The following DGKG variants were observed in gnomAD, a reference collection of about 807,000 sequenced individuals.
DGKG encodes DAG kinase gamma.
A neutral mutation model predicts 105.3 loss-of-function variants in DGKG; 78 were observed. That is an observed-to-expected ratio of 0.74 (90% CI 0.62 to 0.89). DGKG has a LOEUF of 0.89. Among genes scored for constraint, DGKG ranks in the 40% least tolerant of loss-of-function variants. The pLI is 0.00. For synonymous variants in DGKG, 346 were observed against 367.1 expected (o/e 0.94, Z 0.66); for missense variants, 958 against 1,020.1 (o/e 0.94, Z 0.83).
intron 20 of DGKG, among the ~76,000 whole-genome samples, chr3:186,218,118 G>A (rs758149687): frequency 2.6e-4 from 40 of 152,242 alleles, no homozygotes; most frequent in Non-Finnish European, 5.0e-4. Context: ...AGCGGGCAGA[G>A]CTGCCTCCCA....
intron 20 of DGKG, among the ~76,000 whole-genome samples, chr3:186,238,999 C>T (rs1477107192): frequency 6.6e-6 from 1 of 152,168 alleles, no homozygotes; most frequent in Non-Finnish European, 1.5e-5. Context: ...CTTTAAGAAT[C>T]TTCTGATAGT....
At chr3:186,198,927 C>T (rs891497722) in intron 21 of DGKG, among the ~76,000 whole-genome samples, 7 of 151,918 alleles carry the variant, frequency 4.6e-5, no homozygotes, top group African/African-American at 1.5e-4. Context: ...TGAGTGGCGA[C>T]AACATTATTG....
In DGKG at chr3:186,273,652, G is replaced by A. The variant is rs1420474563; in HGVS notation, c.911-1309C>T. 2.0e-5 allele frequency among the ~76,000 whole-genome samples: 3 copies of A among 152,058 alleles called. No homozygotes were observed. In the South Asian group the frequency reaches 6.2e-4, roughly 32 times the overall value. The stretch of plus-strand genomic sequence containing the variant: ...CCTCCCAAAGTGCTGGGATTACGGC[G>A]TGAATCACCGCGCCAGGCCTGGCGG... On this transcript the variant is annotated intron_variant, in intron 10 of 24. Coordinates refer to ENST00000265022, the MANE Select transcript of DGKG (RefSeq NM_001346.3).
intron 21 of DGKG, among the ~76,000 whole-genome samples, chr3:186,209,585 G>C (rs567900134): frequency 6.6e-6 from 1 of 152,218 alleles, no homozygotes; most frequent in South Asian, 2.1e-4. Flanking sequence ...GCCTGGGGCT[G>C]GTGGGTCGTG....
chr3:186,282,759 G>A (rs1330882696), intron 7 of DGKG, among the ~76,000 whole-genome samples: 5 of 151,940 alleles, frequency 3.3e-5, no homozygotes, highest in African/African-American at 7.3e-5. Context: ...CTGGTGATCC[G>A]CCCACCTCAG....
chr3:186,202,659 G>A (rs1384422447), intron 21 of DGKG, among the ~76,000 whole-genome samples: 1 of 152,188 alleles, frequency 6.6e-6, no homozygotes, highest in Non-Finnish European at 1.5e-5. Context: ...AGGGACCTTG[G>A]TGGTAGAAGA....
At chr3:186,209,245 C>T (rs1440349584) in intron 21 of DGKG, among the ~76,000 whole-genome samples, 6 of 151,894 alleles carry the variant, frequency 4.0e-5, no homozygotes, top group South Asian at 2.1e-4. Context: ...GGACTACAGG[C>T]GCCCACCACC....
intron 24 of DGKG, 40 bp from the exon 25 acceptor site, chr3:186,150,228 A>G (rs1337183016): frequency 1.1e-5 from 18 of 1,585,562 alleles, no homozygotes; most frequent in Non-Finnish European, 1.5e-5. Flanking sequence ...TGGCATGCAA[A>G]TCTCAGTAGC....
chr3:186,189,365 G>A (rs187860930), intron 21 of DGKG, among the ~76,000 whole-genome samples: 6 of 152,150 alleles, frequency 3.9e-5, no homozygotes, highest in Non-Finnish European at 5.9e-5. Context: ...CTTTGGCATC[G>A]TGCTTACCAA....
At chr3:186,329,931 G>A (rs539016569) in intron 1 of DGKG, among the ~76,000 whole-genome samples, 2 of 152,222 alleles carry the variant, frequency 1.3e-5, no homozygotes, top group Non-Finnish European at 2.9e-5. Flanking sequence ...GGCAGAAAGA[G>A]TGTCCTGTCT....
intron 6 of DGKG, among the ~76,000 whole-genome samples, chr3:186,286,739 A>G (rs1391277222): frequency 6.6e-6 from 1 of 152,158 alleles, no homozygotes; most frequent in Admixed American, 6.5e-5. Context: ...AGTTTCTGTA[A>G]CAAAAAATTG....
chr3:186,218,569 C>T (rs961249525), intron 20 of DGKG, among the ~76,000 whole-genome samples: 1 of 150,976 alleles, frequency 6.6e-6, no homozygotes, highest in African/African-American at 2.4e-5. Context: ...TCTCCAAGCT[C>T]CCCAGACAAC....
Position 186,320,552 on chromosome 3 carries a change from G to A in DGKG, c.-93C>T. ...CCAGCCCAGGGCCTGGCTCATTGCA[G>A]GTTTGCGATGTAAGCCTTTCAGGAG... On this transcript the variant is annotated 5_prime_UTR_variant, in exon 2 of 25. Coordinates refer to ENST00000265022, the MANE Select transcript of DGKG (RefSeq NM_001346.3). The A allele has an allele frequency of 1.2e-6, 2 of 1,601,662 alleles. No individual in the cohort carries two copies. The highest frequency in any genetic ancestry group is 1.7e-6 in the Non-Finnish European group (2 of 1,173,084).
At position 186,205,236 on chromosome 3, in the gene DGKG, G is replaced by A. The variant is rs144686745; in HGVS notation, c.1917+6559C>T. On this transcript the variant is annotated intron_variant, in intron 21 of 24. Coordinates refer to ENST00000265022, the MANE Select transcript of DGKG (RefSeq NM_001346.3). The stretch of plus-strand genomic sequence containing the variant: ...TGTGCCATTGCACTCCAGCCTGGGC[G>A]ACAAGAGCAAAACTCCTTCTCAAAA... 9.4e-3 allele frequency among the ~76,000 whole-genome samples: 1,196 copies of A among 127,404 alleles called. 16 individuals are homozygous for A. The highest frequency in any genetic ancestry group is 0.034 in the African/African-American group (1,124 of 33,008). 83.6% of individuals were successfully genotyped at this position (127,404 alleles called of 152,430 possible).
At chr3:186,351,423 G>A (rs1237945900) in intron 1 of DGKG, among the ~76,000 whole-genome samples, 1 of 152,096 alleles carries the variant, frequency 6.6e-6, no homozygotes, top group Non-Finnish European at 1.5e-5. Flanking sequence ...ATACTGGTTC[G>A]AGGCCCCCTT....
intron 10 of DGKG, among the ~76,000 whole-genome samples, chr3:186,272,603 G>A (rs1468945): frequency 0.82 from 124,564 of 152,264 alleles, 51,191 homozygotes; most frequent in African/African-American, 0.9. Flanking sequence ...CACAGCAGGA[G>A]CACATCCCCA....
At chr3:186,243,956 G>A (rs545518461) in intron 19 of DGKG, among the ~76,000 whole-genome samples, 2 of 137,012 alleles carry the variant, frequency 1.5e-5, no homozygotes, top group East Asian at 4.6e-4. Flanking sequence ...GAGTGCAGTG[G>A]CATGATCTCG....
intron 2 of DGKG, among the ~76,000 whole-genome samples, chr3:186,309,058 A>G (rs1383710827): frequency 1.3e-5 from 2 of 152,206 alleles, no homozygotes; most frequent in African/African-American, 4.8e-5. Flanking sequence ...ATAGCTTCCT[A>G]AACATTTGTT....
At chr3:186,259,635 G>T (rs1721656590) in intron 16 of DGKG, among the ~76,000 whole-genome samples, 2 of 152,108 alleles carry the variant, frequency 1.3e-5, no homozygotes, top group Admixed American at 1.3e-4. Context: ...TGGTTTGGAG[G>T]TTGGGCAAAT....
Sources: gnomAD v4.1 joint callset for allele counts (sites outside exome capture counted in the v4.1 genomes callset) on GRCh38, gnomAD v4.1.1 for gene constraint, MANE v1.5 for transcripts, NCBI Gene and HGNC (gene_info 2026-07-23, HGNC 2026-07-21) for gene names.